The following VAT1L variants were observed in gnomAD, a reference collection of about 807,000 sequenced individuals.
VAT1L encodes the protein vesicle amine transport 1 like.
Under a neutral mutation model 44.1 loss-of-function variants are expected in VAT1L, and 34 were observed. The observed-to-expected ratio is 0.77, with a 90% CI of 0.59 to 1.03. The LOEUF (loss-of-function observed/expected upper bound fraction) is 1.03. Ranked by LOEUF, VAT1L falls within the 50% of genes least tolerant of loss-of-function variation. The probability of loss-of-function intolerance (pLI) is 0.00; values close to 1 mark genes in which losing one functional copy is unlikely to be tolerated. For missense variants in VAT1L, 615 were observed against 538.8 expected (o/e 1.14, Z -1.40); for synonymous variants, 253 against 202.2 (o/e 1.25, Z -2.13).
intron 1 of VAT1L, among the ~76,000 whole-genome samples, chr16:77,797,065 C>T (rs1370250567): frequency 2.0e-5 from 3 of 151,848 alleles, no homozygotes; most frequent in Non-Finnish European, 4.4e-5. Context: ...GCCCGGATTT[C>T]ACCATTACAT....
chr16:77,964,945 C>G (rs980768291), intron 7 of VAT1L, among the ~76,000 whole-genome samples: 1 of 152,022 alleles, frequency 6.6e-6, no homozygotes, highest in African/African-American at 2.4e-5. Flanking sequence ...CATGCACCAC[C>G]ATGCCCGGCT....
At chr16:77,960,717 G>T (rs534407582) in intron 7 of VAT1L, among the ~76,000 whole-genome samples, 2 of 152,124 alleles carry the variant, frequency 1.3e-5, no homozygotes, top group Non-Finnish European at 2.9e-5. Context: ...GAAGAGTGGA[G>T]GAACCCCCTA....
rs4991214 is a variant in VAT1L at position 77,924,416 on chromosome 16, C to T, written c.1077+39614C>T. ...TGAGCACATCAAAATGCACAAACTC[C>T]CAGCCTTCTCCAAGCTTCCACCCAC... On this transcript the variant is annotated intron_variant, in intron 7 of 8. Transcript: ENST00000302536. Among the ~76,000 whole-genome samples, 453 of 152,044 alleles carry T rather than the reference C, an allele frequency of 3.0e-3. 2 individuals carry two copies. Among genetic ancestry groups the T allele is most frequent in the African/African-American group, 0.011 (437 of 41,484 alleles).
chr16:77,921,965 C>G (rs934934730), intron 7 of VAT1L, among the ~76,000 whole-genome samples: 4 of 152,034 alleles, frequency 2.6e-5, no homozygotes, highest in Non-Finnish European at 5.9e-5. Context: ...CCAGGCTGGT[C>G]TTGAAGCCCT....
intron 7 of VAT1L, chr16:77,892,779 AGGGGTTGGATGGCAAGCATGT>A: frequency 1.3e-6 from 1 of 777,692 alleles, no homozygotes; most frequent in Non-Finnish European, 2.4e-6. Flanking sequence ...GCCAAGACTG[AGGGGTTGGATGGCAAGCATGT>A]GGTCTTTGAC....
At chr16:77,956,470 A>T (rs1251904592) in intron 7 of VAT1L, among the ~76,000 whole-genome samples, 2 of 152,200 alleles carry the variant, frequency 1.3e-5, no homozygotes, top group Non-Finnish European at 1.5e-5. Context: ...CCTGGTAAGC[A>T]CTTGTCATAT....
intron 7 of VAT1L, among the ~76,000 whole-genome samples, chr16:77,939,108 C>T (rs540303775): frequency 1.3e-5 from 2 of 152,302 alleles, no homozygotes; most frequent in East Asian, 3.9e-4. Flanking sequence ...CTAGGTACTC[C>T]ACCCACAGTG....
At chr16:77,926,045 G>A (rs774115974) in intron 7 of VAT1L, among the ~76,000 whole-genome samples, 9 of 149,424 alleles carry the variant, frequency 6.0e-5, no homozygotes, top group Admixed American at 2.0e-4. Context: ...GGTGGGTCAC[G>A]AGGTCAGGAG....
At chr16:77,876,532 T>C (rs1170504645) in intron 5 of VAT1L, 59 bp downstream of exon 5, 9 of 1,477,660 alleles carry the variant, frequency 6.1e-6, no homozygotes, top group Middle Eastern at 3.6e-4. Flanking sequence ...CATATGTGCC[T>C]GCAAAGGCTC....
intron 7 of VAT1L, among the ~76,000 whole-genome samples, chr16:77,965,141 G>A (rs1481333802): frequency 6.6e-6 from 1 of 152,094 alleles, no homozygotes; most frequent in African/African-American, 2.4e-5. Context: ...AAGGGAAACT[G>A]TGATTCCCCC....
chr16:77,915,255 G>A (rs966845000), intron 7 of VAT1L, among the ~76,000 whole-genome samples: 40 of 152,194 alleles, frequency 2.6e-4, no homozygotes, highest in Non-Finnish European at 4.9e-4. Flanking sequence ...TTACAGTAAA[G>A]AGTATTGTAT....
At chr16:77,941,323 C>T (rs376817748) in intron 7 of VAT1L, among the ~76,000 whole-genome samples, 1 of 152,172 alleles carries the variant, frequency 6.6e-6, no homozygotes, top group African/African-American at 2.4e-5. Context: ...TGCTGCCATT[C>T]ATCCTACTCA....
At chr16:77,839,461 G>C (rs2016678893) in intron 3 of VAT1L, among the ~76,000 whole-genome samples, 1 of 146,458 alleles carries the variant, frequency 6.8e-6, no homozygotes, top group Non-Finnish European at 1.5e-5. Context: ...GTGTGAACCT[G>C]GGAGGCAGAG....
chr16:77,924,860 A>G (rs952768063), intron 7 of VAT1L, among the ~76,000 whole-genome samples: 3 of 152,030 alleles, frequency 2.0e-5, no homozygotes, highest in African/African-American at 2.4e-5. Context: ...CAGCAAATAA[A>G]TTACCTAAGC....
chr16:77,913,171 T>A (rs1251431493), intron 7 of VAT1L, among the ~76,000 whole-genome samples: 2 of 152,224 alleles, frequency 1.3e-5, no homozygotes, highest in African/African-American at 4.8e-5. Flanking sequence ...AATGATTTAA[T>A]TTTAATTTCA....
chr16:77,930,770 G>A (rs879795141), intron 7 of VAT1L, among the ~76,000 whole-genome samples: 1 of 152,082 alleles, frequency 6.6e-6, no homozygotes, highest in Non-Finnish European at 1.5e-5. Flanking sequence ...GTTCAAGGGG[G>A]CATGGAGAGA....
Position 77,822,326 on chromosome 16 carries a change from G to A in VAT1L, c.364-2920G>A, listed in dbSNP as rs531123419. Among the ~76,000 whole-genome samples the A allele has an allele frequency of 2.6e-5, 4 of 152,104 alleles. No individual in the cohort carries two copies. In the East Asian group the frequency reaches 5.8e-4, roughly 22 times the overall value. ...ATTTTGTATTTTTAGTAGAGACGGGGTTTCTCCATACTGATCAGGCTGGGC... is the reference window on the plus strand; with the variant it reads ...ATTTTGTATTTTTAGTAGAGACGGGATTTCTCCATACTGATCAGGCTGGGC... On this transcript the variant is annotated intron_variant, in intron 2 of 8. Coordinates refer to ENST00000302536, the MANE Select transcript of VAT1L (RefSeq NM_020927.3).
rs373719090 is a variant in VAT1L at position 77,862,874 on chromosome 16, G to T, written c.706G>T (p.Val236Leu). Reference protein sequence around the residue: ...THLFDRNADYVQEVKRISAEG... With the variant: ...THLFDRNADYLQEVKRISAEG... ...CCTCTTTGACAGAAATGCAGACTAC[G>T]TGCAAGAAGTTAAAAGGTAAGATGT... Residue 236 changes from valine (V) to leucine (L), a missense_variant, in exon 4 of 9, where the codon GTG becomes TTG. By Grantham distance (32) the Val-to-Leu change is conservative. Transcript: ENST00000302536. 6 of 1,613,956 alleles carry T rather than the reference G, an allele frequency of 3.7e-6. No homozygotes were observed. Among genetic ancestry groups the T allele is most frequent in the Non-Finnish European group, 5.1e-6 (6 of 1,179,948 alleles).
chr16:77,790,111 G>A (rs948992490), intron 1 of VAT1L, among the ~76,000 whole-genome samples: 1 of 152,124 alleles, frequency 6.6e-6, no homozygotes, highest in African/African-American at 2.4e-5. Flanking sequence ...AAATACAAAC[G>A]AGGGTCCCCT....
Sources: allele counts gnomAD v4.1 joint callset (sites outside exome capture counted in the v4.1 genomes callset), GRCh38; gene constraint gnomAD v4.1.1; transcripts MANE v1.5; gene names NCBI Gene and HGNC (gene_info 2026-07-23, HGNC 2026-07-21).